Variants in FYB1 observed in about 807,000 individuals in gnomAD.
The protein encoded by FYB1 is FYN-binding protein 1.
A neutral mutation model predicts 94.1 loss-of-function variants in FYB1; 41 were observed. The ratio of observed to expected loss-of-function variants is 0.44; its 90% CI spans 0.34 to 0.57. The LOEUF (loss-of-function observed/expected upper bound fraction) is 0.57. Among genes scored for constraint, FYB1 ranks in the 20% least tolerant of loss-of-function variants. The pLI, the probability that FYB1 is intolerant of heterozygous loss-of-function variation, is 0.02. For synonymous variants in FYB1, 367 were observed against 353.2 expected (o/e 1.04, Z -0.44); for missense variants, 1,050 against 976.8 (o/e 1.07, Z -1.00).
At chr5:39,249,088 C>G (rs1239736714) in intron 1 of FYB1, among the ~76,000 whole-genome samples, 1 of 152,196 alleles carries the variant, frequency 6.6e-6, no homozygotes, top group East Asian at 1.9e-4. Flanking sequence ...ACACACATGA[C>G]TTCTCCTTCA....
intron 3 of FYB1, among the ~76,000 whole-genome samples, chr5:39,148,155 T>TTATATATATATATATATATATATA (rs10528848): frequency 2.7e-5 from 1 of 37,658 alleles, no homozygotes; most frequent in African/African-American, 1.3e-4. Context: ...TATGTATTTT[T>TTATATATATATATATATATATATA]TATATATATA....
intron 1 of FYB1, among the ~76,000 whole-genome samples, chr5:39,262,236 T>C (rs1270684728): frequency 1.3e-5 from 2 of 152,102 alleles, no homozygotes; most frequent in African/African-American, 4.8e-5. Flanking sequence ...AGAGCAAAAT[T>C]TGCAATGCTT....
chr5:39,111,901 G>A (rs1739110406), intron 16 of FYB1, among the ~76,000 whole-genome samples: 1 of 151,866 alleles, frequency 6.6e-6, no homozygotes, highest in Non-Finnish European at 1.5e-5. Flanking sequence ...TAATGCAAAA[G>A]TAGCAAAAAG....
At position 39,202,836 on chromosome 5, in the gene FYB1, T is replaced by C. The variant is rs776022790; in HGVS notation, c.125A>G (p.Gln42Arg). 8 of 1,613,828 alleles carry C rather than the reference T, an allele frequency of 5.0e-6. No homozygotes were observed. In the Admixed American group the frequency reaches 8.3e-5, roughly 17 times the overall value. Reference sequence around the variant, plus strand: ...TCCTGCAGGAGGGCTGGCATTTCCTTGGTTGTTGAATAAGTTCTTTCTTGC... The same window carrying C: ...TCCTGCAGGAGGGCTGGCATTTCCTCGGTTGTTGAATAAGTTCTTTCTTGC... ...IQARKNLFNNQGNASPPAGPS... is the reference protein window; with the variant it reads ...IQARKNLFNNRGNASPPAGPS... The change falls in exon 2 of 19, where the codon CAA becomes CGA. Residue 42 changes from glutamine (Q) to arginine (R), a missense_variant. Coordinates refer to ENST00000512982, the MANE Select transcript of FYB1 (RefSeq NM_001465.6).
At chr5:39,231,536 A>C (rs1389373345) in intron 1 of FYB1, among the ~76,000 whole-genome samples, 4 of 152,152 alleles carry the variant, frequency 2.6e-5, no homozygotes, top group Non-Finnish European at 4.4e-5. Flanking sequence ...AATATATTTC[A>C]AGAATGAAAT....
At chr5:39,147,998 A>G (rs1742833318) in intron 3 of FYB1, among the ~76,000 whole-genome samples, 1 of 140,452 alleles carries the variant, frequency 7.1e-6, no homozygotes, top group Admixed American at 7.2e-5. Flanking sequence ...CTGTCTTCTA[A>G]AATTCCTTCC....
Position 39,211,996 on chromosome 5 carries a change from G to A in FYB1, c.-28+7447C>T, listed in dbSNP as rs559279836. Among the ~76,000 whole-genome samples, 5 of 152,302 alleles carry A rather than the reference G, an allele frequency of 3.3e-5. No homozygotes were observed. In the South Asian group the frequency reaches 1.0e-3, roughly 32 times the overall value. The stretch of plus-strand genomic sequence containing the variant: ...CTGCTAAGAAGAGGAAGAACTCAAC[G>A]AGCTAACCAAGACAGGTGGCAGCAG... On this transcript the variant is annotated intron_variant, in intron 1 of 18. Transcript: ENST00000512982.
intron 1 of FYB1, among the ~76,000 whole-genome samples, chr5:39,259,775 G>A (rs1294032342): frequency 6.6e-6 from 1 of 152,138 alleles, no homozygotes; most frequent in African/African-American, 2.4e-5. Context: ...GCAGGAACGT[G>A]GGGGATAAGA....
intron 2 of FYB1, among the ~76,000 whole-genome samples, chr5:39,165,734 T>A (rs774729105): frequency 1.6e-4 from 24 of 152,182 alleles, no homozygotes; most frequent in Admixed American, 3.9e-4. Context: ...TTGCAAGCTA[T>A]GCATCCAACA....
chr5:39,271,865 A>G (rs1752674145), intron 1 of FYB1, among the ~76,000 whole-genome samples: 1 of 149,590 alleles, frequency 6.7e-6, no homozygotes, highest in Non-Finnish European at 1.5e-5. Flanking sequence ...TAATGAATGA[A>G]TAGAGGAGGA....
At chr5:39,256,438 GT>G (rs1364952547) in intron 1 of FYB1, among the ~76,000 whole-genome samples, 2 of 152,154 alleles carry the variant, frequency 1.3e-5, no homozygotes, top group Non-Finnish European at 2.9e-5. Context: ...TTACGTACGG[GT>G]TTTCATGCCG....
chr5:39,229,190 G>T (rs1022238881), intron 1 of FYB1, among the ~76,000 whole-genome samples: 8 of 152,092 alleles, frequency 5.3e-5, no homozygotes, highest in Admixed American at 2.0e-4. Flanking sequence ...GAAGACAGGG[G>T]CTGATACTCC....
rs538086473 is a variant in FYB1 at position 39,244,629 on chromosome 5, T to G, written c.-28+29774A>C. ...TTTTTGTTGTGTCTCTGCCAGGCTT[T>G]GGTATCAGTATGATTCTGGCTTCAT... is the stretch of plus-strand genomic sequence containing the variant. On this transcript the variant is annotated intron_variant, in intron 1 of 1. Coordinates refer to the FYB1 transcript ENST00000510188. 8.5e-4 allele frequency among the ~76,000 whole-genome samples: 129 copies of G among 152,308 alleles called. 1 individual carries two copies. The highest frequency in any genetic ancestry group is 2.9e-3 in the African/African-American group (121 of 41,552).
chr5:39,249,250 T>C (rs1195424037), intron 1 of FYB1, among the ~76,000 whole-genome samples: 1 of 152,242 alleles, frequency 6.6e-6, no homozygotes, highest in African/African-American at 2.4e-5. Flanking sequence ...CATGAAGTTC[T>C]GACTTTATCC....
At chr5:39,114,378 C>A (rs1169503835) in intron 16 of FYB1, among the ~76,000 whole-genome samples, 1 of 152,126 alleles carries the variant, frequency 6.6e-6, no homozygotes, top group Non-Finnish European at 1.5e-5. Context: ...GAGACTTGAT[C>A]GAATGTGATA....
intron 2 of FYB1, among the ~76,000 whole-genome samples, chr5:39,177,913 C>CA (rs1242600492): frequency 1.3e-5 from 2 of 152,228 alleles, no homozygotes; most frequent in Non-Finnish European, 2.9e-5. Flanking sequence ...CCATCTCAAG[C>CA]AAATTAAGAT....
chr5:39,108,242 T>C lies in FYB1; in HGVS notation c.2456A>G (p.Asp819Gly), dbSNP rs1243041818. The change falls in exon 18 of 19, where the codon GAT (aspartate) becomes GGT (glycine). Residue 819 changes from aspartate to glycine, a missense_variant. Asp to Gly is a moderately conservative substitution (Grantham distance 94). Transcript: ENST00000512982. ...LADNDGEIYD[D>G]IADGCIYDND Reference sequence around the variant, plus strand: ...TACATAAGACTTACCATCAGCAATATCATCATAGATCTCTCCATCACTGTA... The same window carrying C: ...TACATAAGACTTACCATCAGCAATACCATCATAGATCTCTCCATCACTGTA... The C allele has an allele frequency of 6.5e-6, 10 of 1,527,200 alleles. No individual in the cohort carries two copies. The East Asian group carries it at 7.4e-5, about 11-fold the overall frequency. 94.6% of individuals were successfully genotyped at this position (1,527,200 alleles called of 1,614,324 possible). A position where few individuals can be genotyped will look rare whatever the true frequency, so the allele number is the denominator to read the frequency against.
intron 1 of FYB1, among the ~76,000 whole-genome samples, chr5:39,261,750 A>AAAAG (rs1554045880): frequency 1.5e-4 from 23 of 151,736 alleles, no homozygotes; most frequent in Admixed American, 4.6e-4. Flanking sequence ...CTGTCTCAAA[A>AAAAG]AAAAGAAAAG....
At chr5:39,116,998 T>C (rs1739633782) in intron 16 of FYB1, among the ~76,000 whole-genome samples, 3 of 152,248 alleles carry the variant, frequency 2.0e-5, no homozygotes, top group South Asian at 2.1e-4. Flanking sequence ...TCTTCTACCA[T>C]ACCAAGGGCA....
Sources: allele counts gnomAD v4.1 joint callset (sites outside exome capture counted in the v4.1 genomes callset), GRCh38; gene constraint gnomAD v4.1.1; transcripts MANE v1.5; gene names NCBI Gene and HGNC (gene_info 2026-07-23, HGNC 2026-07-21).